KIF26B: variants seen among roughly 807,000 people sequenced by gnomAD.
KIF26B encodes kinesin family member 26B, also known as kinesin-like protein KIF26B.
In KIF26B, 63 loss-of-function variants were observed where a neutral mutation model predicts 151.2. The observed-to-expected ratio is 0.42, with a 90% CI of 0.34 to 0.51. KIF26B has a LOEUF of 0.51. KIF26B is among the 20% of genes least tolerant of loss of function. KIF26B has a pLI of 0.07. For missense variants in KIF26B, 2,813 were observed against 2,913.6 expected (o/e 0.97, Z 0.79); for synonymous variants, 1,357 against 1,262.1 (o/e 1.08, Z -1.59).
chr1:245,561,576 C>G (rs143338245), intron 5 of KIF26B, among the ~76,000 whole-genome samples: 1 of 152,202 alleles, frequency 6.6e-6, no homozygotes, highest in Non-Finnish European at 1.5e-5. Flanking sequence ...CATTTACATA[C>G]GTAATACATT....
At position 245,215,606 on chromosome 1, in the gene KIF26B, T is replaced by C. The variant is rs148850302; in HGVS notation, c.465+58923T>C. Among the ~76,000 whole-genome samples the C allele has an allele frequency of 4.6e-5, 7 of 152,314 alleles. No individual in the cohort carries two copies. In the East Asian group the frequency reaches 1.4e-3, roughly 29 times the overall value. On this transcript the variant is annotated intron_variant, in intron 2 of 14. Coordinates refer to ENST00000407071, the MANE Select transcript of KIF26B (RefSeq NM_018012.4). ...CAACATAGATTCATTCCATGTCAGC[T>C]CTGCCCCAGGCCTTATGCTGGGCTC...
chr1:245,442,602 G>C (rs1255035459), intron 4 of KIF26B, among the ~76,000 whole-genome samples: 1 of 152,088 alleles, frequency 6.6e-6, no homozygotes, highest in African/African-American at 2.4e-5. Flanking sequence ...TGACCATACT[G>C]GGGAACTCTG....
At position 245,345,051 on chromosome 1, in the gene KIF26B, T is replaced by C. The variant is rs113291184; in HGVS notation, c.466-21783T>C. On this transcript the variant is annotated intron_variant, in intron 2 of 14. Coordinates refer to ENST00000407071, the MANE Select transcript of KIF26B (RefSeq NM_018012.4). ...ATGGCACTACATTCGTATTCTGAGC[T>C]ATTCCCCAGCAGCAAGGGTAAATTT... is the stretch of plus-strand genomic sequence containing the variant. Among the ~76,000 whole-genome samples the C allele has an allele frequency of 6.6e-3, 1,001 of 152,284 alleles. 7 individuals are homozygous for C. The highest frequency in any genetic ancestry group is 0.042 in the South Asian group (204 of 4,818).
intron 2 of KIF26B, among the ~76,000 whole-genome samples, chr1:245,271,323 T>C (rs920556275): frequency 2.6e-5 from 4 of 152,226 alleles, no homozygotes; most frequent in Admixed American, 6.5e-5. Context: ...AGGAATTTCA[T>C]TAAATCTATG....
chr1:245,685,795 G>C lies in KIF26B; in HGVS notation c.2812G>C (p.Gly938Arg). ...GCAGGAGAGGCTGGACTGCATCGAC[G>C]GCAGCGAGGAGCCCAGCAGCTTTCC... Reference protein sequence around the residue: ...ELQERLDCIDGSEEPSSFPFE... With the variant: ...ELQERLDCIDRSEEPSSFPFE... Residue 938 changes from glycine to arginine, a missense_variant, in exon 12 of 15, where the codon GGC (glycine) becomes CGC (arginine). Gly to Arg is a moderately radical substitution (Grantham distance 125). Transcript: ENST00000407071. 6.2e-7 allele frequency: 1 copy of C among 1,609,798 alleles called. No individual in the cohort carries two copies.
rs1553287299 is a variant in KIF26B, at chr1:245,552,122, G to GATGTGTGTGTGTGTGTGT, written c.1350+11172_1350+11173insATGTGTGTGTGTGTGTGT. Among the ~76,000 whole-genome samples, 419 of 131,696 alleles carry GATGTGTGTGTGTGTGTGT rather than the reference G, an allele frequency of 3.2e-3. 18 individuals carry two copies. Among genetic ancestry groups the GATGTGTGTGTGTGTGTGT allele is most frequent in the Non-Finnish European group, 4.7e-3 (287 of 61,536 alleles). The allele number at this position is 131,696 out of a possible 152,430, so 86.4% of individuals were successfully genotyped here. ...TTCTCCAGAGAAACAGAACCAGCAG[G>GATGTGTGTGTGTGTGTGT]GTGTGTGTGTGTGTGTGTGTGTGTG... On this transcript the variant is annotated intron_variant, in intron 5 of 14. Coordinates refer to ENST00000407071, the MANE Select transcript of KIF26B (RefSeq NM_018012.4).
At chr1:245,345,687 T>A (rs1672439151) in intron 2 of KIF26B, among the ~76,000 whole-genome samples, 1 of 151,914 alleles carries the variant, frequency 6.6e-6, no homozygotes, top group Non-Finnish European at 1.5e-5. Flanking sequence ...TGATAGTGAG[T>A]GAGTTCTCGT....
At chr1:245,399,619 T>C (rs1673944598) in intron 3 of KIF26B, among the ~76,000 whole-genome samples, 1 of 152,214 alleles carries the variant, frequency 6.6e-6, no homozygotes, top group African/African-American at 2.4e-5. Flanking sequence ...TTACATTTAC[T>C]TACAGCCCTT....
chr1:245,299,023 G>A (rs1044172360), intron 2 of KIF26B, among the ~76,000 whole-genome samples: 1 of 152,204 alleles, frequency 6.6e-6, no homozygotes, highest in Non-Finnish European at 1.5e-5. Flanking sequence ...CAGGAGGCCA[G>A]ATGGCATTTT....
chr1:245,671,999 C>T (rs80266468), intron 10 of KIF26B, among the ~76,000 whole-genome samples: 11,225 of 152,164 alleles, frequency 0.074, 529 homozygotes, highest in African/African-American at 0.13. Context: ...GGTCCAAAGC[C>T]GCCAAATCAT....
At chr1:245,255,495 T>C (rs1288907368) in intron 2 of KIF26B, among the ~76,000 whole-genome samples, 1 of 152,214 alleles carries the variant, frequency 6.6e-6, no homozygotes, top group Admixed American at 6.5e-5. Flanking sequence ...AGCCCTCCCT[T>C]ATTTTCACAT....
intron 2 of KIF26B, among the ~76,000 whole-genome samples, chr1:245,233,068 C>G (rs771594814): frequency 6.6e-6 from 1 of 152,192 alleles, no homozygotes; most frequent in Non-Finnish European, 1.5e-5. Context: ...ATCTTCATCT[C>G]ACTTGTGGAA....
At chr1:245,653,432 C>T (rs935378078) in intron 10 of KIF26B, among the ~76,000 whole-genome samples, 3 of 152,104 alleles carry the variant, frequency 2.0e-5, no homozygotes, top group Non-Finnish European at 4.4e-5. Context: ...AGAGTATTTC[C>T]CATCGTGAGC....
chr1:245,596,225 T>C (rs887578768), intron 5 of KIF26B, among the ~76,000 whole-genome samples: 1 of 152,206 alleles, frequency 6.6e-6, no homozygotes, highest in African/African-American at 2.4e-5. Flanking sequence ...TGCTCTTGCT[T>C]CTCTAGTTCT....
chr1:245,455,545 A>G (rs534640933), intron 4 of KIF26B, among the ~76,000 whole-genome samples: 1 of 152,278 alleles, frequency 6.6e-6, no homozygotes, highest in Non-Finnish European at 1.5e-5. Flanking sequence ...ACAAAAAAAC[A>G]TACTGCATTA....
intron 10 of KIF26B, among the ~76,000 whole-genome samples, chr1:245,660,509 T>A (rs1162925765): frequency 2.6e-5 from 4 of 151,428 alleles, no homozygotes; most frequent in Non-Finnish European, 5.9e-5. Flanking sequence ...GGTTAATTTT[T>A]AAAAATTTTT....
intron 2 of KIF26B, among the ~76,000 whole-genome samples, chr1:245,253,560 G>T (rs2103566226): frequency 6.6e-6 from 1 of 152,032 alleles, no homozygotes; most frequent in South Asian, 2.1e-4. Flanking sequence ...ATAAGTTGGG[G>T]TATGTTTCCT....
At chr1:245,464,512 T>G (rs1050804391) in intron 4 of KIF26B, among the ~76,000 whole-genome samples, 1 of 147,908 alleles carries the variant, frequency 6.8e-6, no homozygotes, top group African/African-American at 2.5e-5. Context: ...CGTGTGCATG[T>G]GTGGATGTGT....
At chr1:245,584,945 C>A (rs2043209841) in intron 5 of KIF26B, among the ~76,000 whole-genome samples, 1 of 152,150 alleles carries the variant, frequency 6.6e-6, no homozygotes, top group African/African-American at 2.4e-5. Context: ...TTACTAGAAT[C>A]TTTTAAATTG....
Sources: gnomAD v4.1 joint callset for allele counts (sites outside exome capture counted in the v4.1 genomes callset) on GRCh38, gnomAD v4.1.1 for gene constraint, MANE v1.5 for transcripts, NCBI Gene and HGNC (gene_info 2026-07-23, HGNC 2026-07-21) for gene names.